The following DMD variants were observed in gnomAD, a reference collection of about 807,000 sequenced individuals.
DMD encodes the protein dystrophin, also known as mutant dystrophin.
In DMD, 63 loss-of-function variants were observed where a neutral mutation model predicts 330.1. That is an observed-to-expected ratio of 0.19 (90% confidence interval 0.16 to 0.24). DMD has a LOEUF of 0.24. Ranked by LOEUF, DMD falls within the 10% of genes least tolerant of loss-of-function variation. DMD has a pLI of 1.00. For synonymous variants in DMD, 1,223 were observed against 959.8 expected (o/e 1.27, Z -5.07); for missense variants, 3,344 against 2,684.1 (o/e 1.25, Z -5.43).
At chrX:31,293,216 T>TATA (rs1569519886) in intron 62 of DMD, among the ~76,000 whole-genome samples, 2 of 94,345 alleles carry the variant, frequency 2.1e-5, no homozygotes, top group African/African-American at 9.3e-5. Context: ...TGTGTGTGTG[T>TATA]GTGTGTGTGT....
intron 43 of DMD, among the ~76,000 whole-genome samples, chrX:32,247,079 G>A (rs947240268): frequency 9.0e-6 from 1 of 111,686 alleles, no homozygotes; most frequent in Non-Finnish European, 1.9e-5. Context: ...GAAAACGATT[G>A]TCAAAGAAAG....
chrX:32,006,119 T>C (rs2095659841), intron 44 of DMD, among the ~76,000 whole-genome samples: 1 of 111,821 alleles, frequency 8.9e-6, no homozygotes, highest in Non-Finnish European at 1.9e-5. Flanking sequence ...AGATCTTTGT[T>C]GAAAGGTGCT....
At chrX:32,310,324 G>T (rs1203343842) in intron 41 of DMD, 48 bp from the exon 42 acceptor site, 11 of 1,018,193 alleles carry the variant, frequency 1.1e-5, no homozygotes, top group Non-Finnish European at 1.2e-5. Context: ...TCCTAACAGT[G>T]AAACCTCCTC....
In DMD at chrX:32,518,071, C is replaced by G; in HGVS notation, c.2229G>C (p.Gln743His). The change falls in exon 18 of 79, where the codon CAG (glutamine) becomes CAC (histidine). Residue 743 changes from glutamine (Q) to histidine (H), a missense_variant. Transcript: ENST00000357033. ...SWITRSEAVL[Q>H]SPEFAIFRKE... ...TCCGAAAGATTGCAAATTCAGGACTCTGCAACACAGCTTCTGAGCGAGTAA... is the reference window on the plus strand; with the variant it reads ...TCCGAAAGATTGCAAATTCAGGACTGTGCAACACAGCTTCTGAGCGAGTAA... 8.3e-7 allele frequency: 1 copy of G among 1,209,444 alleles called. No homozygotes were observed. Among genetic ancestry groups the G allele is most frequent in the Non-Finnish European group, 1.1e-6 (1 of 893,428 alleles).
intron 55 of DMD, among the ~76,000 whole-genome samples, chrX:31,624,339 C>T (rs1317130890): frequency 4.5e-5 from 5 of 111,564 alleles, no homozygotes; most frequent in East Asian, 5.6e-4. Flanking sequence ...TTTTATAATA[C>T]GGGAGGAAAT....
At chrX:31,744,687 T>C (rs1235507923) in intron 51 of DMD, among the ~76,000 whole-genome samples, 2 of 112,229 alleles carry the variant, frequency 1.8e-5, no homozygotes, top group Admixed American at 9.5e-5. Flanking sequence ...GAGGGCATTA[T>C]TTGTAATAGT....
Position 33,271,162 on chromosome X carries a change from C to T in DMD, c.7+68097G>A, listed in dbSNP as rs998148859. 7.2e-5 allele frequency among the ~76,000 whole-genome samples: 8 copies of T among 110,814 alleles called. No homozygotes were observed. The Admixed American group carries it at 7.7e-4, about 11-fold the overall frequency. On this transcript the variant is annotated intron_variant, in intron 1 of 17. Transcript: ENST00000288447. ...CATTTCTAATTGCTAAGTTACAGTT[C>T]CAACATTTTCATAGTGTCCAAGTGA...
At chrX:32,383,146 C>G (rs766569329) in intron 33 of DMD, among the ~76,000 whole-genome samples, 2 of 110,579 alleles carry the variant, frequency 1.8e-5, no homozygotes, top group African/African-American at 6.5e-5. Flanking sequence ...TTTCTCTCCC[C>G]ACTCATCACC....
At chrX:31,163,628 T>C (rs962890785) in intron 74 of DMD, among the ~76,000 whole-genome samples, 27 of 111,587 alleles carry the variant, frequency 2.4e-4, no homozygotes, top group African/African-American at 8.8e-4. Flanking sequence ...CCATTATGCT[T>C]CTTTCCTCCC....
intron 48 of DMD, among the ~76,000 whole-genome samples, chrX:31,867,258 TTA>T (rs1169443525): frequency 9.1e-6 from 1 of 110,030 alleles, no homozygotes; most frequent in East Asian, 2.8e-4. Flanking sequence ...ATATTGTTTC[TTA>T]TCAGAATAAG....
chrX:32,932,097 G>A (rs777165015), intron 2 of DMD, among the ~76,000 whole-genome samples: 4 of 112,388 alleles, frequency 3.6e-5, no homozygotes, highest in African/African-American at 6.5e-5. Context: ...GTGCATGAAT[G>A]TAAGCTCAGT....
intron 44 of DMD, among the ~76,000 whole-genome samples, chrX:32,022,625 A>G (rs2095814122): frequency 8.9e-6 from 1 of 112,004 alleles, no homozygotes; most frequent in African/African-American, 3.2e-5. Flanking sequence ...AAACGTGGGT[A>G]TACACACATA....
At chrX:31,419,698 C>T (rs2063260719) in intron 60 of DMD, among the ~76,000 whole-genome samples, 1 of 111,596 alleles carries the variant, frequency 9.0e-6, no homozygotes, top group Non-Finnish European at 1.9e-5. Context: ...CACATAAGAG[C>T]TGCTTAATTA....
At chrX:32,137,009 T>G (rs1464189381) in intron 44 of DMD, among the ~76,000 whole-genome samples, 1 of 111,751 alleles carries the variant, frequency 8.9e-6, no homozygotes, top group Non-Finnish European at 1.9e-5. Context: ...TAAAGTATAA[T>G]AATAAATTTA....
At chrX:32,283,147 C>T (rs1302354713) in intron 43 of DMD, among the ~76,000 whole-genome samples, 2 of 111,482 alleles carry the variant, frequency 1.8e-5, no homozygotes, top group Non-Finnish European at 3.8e-5. Context: ...ACATATATAG[C>T]AGACCTTAAT....
intron 1 of DMD, among the ~76,000 whole-genome samples, chrX:33,290,325 T>C (rs1426909011): frequency 1.8e-5 from 2 of 111,666 alleles, no homozygotes; most frequent in Non-Finnish European, 3.8e-5. Flanking sequence ...AGTACCTCTA[T>C]TCCCAATAAA....
At chrX:32,865,310 CTAT>C (rs2082394333) in intron 2 of DMD, among the ~76,000 whole-genome samples, 1 of 110,184 alleles carries the variant, frequency 9.1e-6, no homozygotes, top group Non-Finnish European at 1.9e-5. Context: ...TGTTATAATC[CTAT>C]TAATAGTGAT....
At chrX:31,854,320 T>C (rs2093579691) in intron 48 of DMD, among the ~76,000 whole-genome samples, 1 of 112,035 alleles carries the variant, frequency 8.9e-6, no homozygotes, top group Non-Finnish European at 1.9e-5. Context: ...TAACAATGCA[T>C]ACTCTAATCA....
At chrX:32,726,481 A>T (rs1305570999) in intron 7 of DMD, among the ~76,000 whole-genome samples, 1 of 111,242 alleles carries the variant, frequency 9.0e-6, no homozygotes, top group African/African-American at 3.3e-5. Context: ...CTTGGATCTT[A>T]AGGCATAAAA....
Sources: gnomAD v4.1 joint callset for allele counts (sites outside exome capture counted in the v4.1 genomes callset) on GRCh38, gnomAD v4.1.1 for gene constraint, MANE v1.5 for transcripts, NCBI Gene and HGNC (gene_info 2026-07-23, HGNC 2026-07-21) for gene names.